MGST1: variants seen among roughly 807,000 people sequenced by gnomAD.
MGST1 encodes microsomal glutathione S-transferase 1, also known as glutathione S-transferase 12.
MGST1 carries 5 observed loss-of-function variants against 8.9 expected under a neutral mutation model. The observed-to-expected ratio is 0.56, with a 90% CI of 0.29 to 1.19. The LOEUF is 1.19. MGST1 is among the 50% of genes most tolerant of loss of function. The pLI is 0.08. For missense variants in MGST1, 182 were observed against 187.4 expected (o/e 0.97, Z 0.17); for synonymous variants, 54 against 67.8 (o/e 0.80, Z 1.00).
chr12:16,413,660 C>T lies in MGST1; in HGVS notation n.779-23728C>T, dbSNP rs1565449551. Among the ~76,000 whole-genome samples the T allele has an allele frequency of 2.0e-5, 3 of 152,064 alleles. No individual in the cohort carries two copies. The highest frequency in any genetic ancestry group is 1.3e-4 in the Admixed American group (2 of 15,262). ...TTTCTCATTTACCCTTATTTTTTTC[C>T]ATACATTCTCAAGGAAGTGTCGGTT... is the stretch of plus-strand genomic sequence containing the variant. On this transcript the variant is annotated intron_variant and non_coding_transcript_variant, in intron 1 of 1. Transcript: ENST00000359720. The surrounding 1 kb of genome is among the most constrained non-coding windows in gnomAD (Gnocchi z 4.0).
chr12:16,507,122 T>G (rs191911845), intron 4 of MGST1, among the ~76,000 whole-genome samples: 1 of 151,566 alleles, frequency 6.6e-6, no homozygotes, highest in Admixed American at 6.6e-5. Flanking sequence ...TAAAAGAGAG[T>G]CTTCAAAGAT....
At chr12:16,469,178 C>CTTTTTTTTTTTTTTTTTTTTTTTTTTTTT in intron 4 of MGST1, among the ~76,000 whole-genome samples, 1 of 77,522 alleles carries the variant, frequency 1.3e-5, no homozygotes, top group Non-Finnish European at 2.3e-5. Context: ...TGCTCTATTC[C>CTTTTTTTTTTTTTTTTTTTTTTTTTTTTT]TTTTTTTTTT....
rs1044978426 is a variant in MGST1, at chr12:16,517,285, G to A, written n.483-72243G>A. On this transcript the variant is annotated intron_variant and non_coding_transcript_variant, in intron 4 of 4. Coordinates refer to the MGST1 transcript ENST00000538857. This position sits in a 1 kb window ranked among gnomAD's most constrained non-coding sequence, Gnocchi z 4.2. ...AAAATTTAACTCCCAATGCAATAGT[G>A]TCAAGAGGTGGAAGCTTTAAAAGGT... Among the ~76,000 whole-genome samples, 3 of 152,152 alleles carry A rather than the reference G, an allele frequency of 2.0e-5. No homozygotes were observed. The highest frequency in any genetic ancestry group is 7.2e-5 in the African/African-American group (3 of 41,434).
intron 1 of MGST1, among the ~76,000 whole-genome samples, chr12:16,348,315 CA>C (rs1565430429): frequency 6.6e-6 from 1 of 152,152 alleles, no homozygotes; most frequent in African/African-American, 2.4e-5. Context: ...TAGCCAGTGA[CA>C]AGAGAGCTAA....
At chr12:16,554,071 C>T (rs930525741) in intron 4 of MGST1, among the ~76,000 whole-genome samples, 3 of 151,966 alleles carry the variant, frequency 2.0e-5, no homozygotes, top group African/African-American at 7.2e-5. Flanking sequence ...ATTATTAAAC[C>T]ATCTAATTCT....
intron 4 of MGST1, among the ~76,000 whole-genome samples, chr12:16,493,451 G>T (rs992679783): frequency 2.0e-5 from 3 of 152,146 alleles, no homozygotes; most frequent in African/African-American, 7.2e-5. Context: ...GAATAGGGAA[G>T]AAGTATAACA....
intron 1 of MGST1, among the ~76,000 whole-genome samples, chr12:16,403,043 C>G (rs1336624538): frequency 6.6e-6 from 1 of 151,434 alleles, no homozygotes; most frequent in Middle Eastern, 3.2e-3. Flanking sequence ...ATCCTTTAAA[C>G]TTTGACTTGA....
downstream of MGST1, among the ~76,000 whole-genome samples, chr12:16,377,545 G>A (rs1188900916): frequency 7.9e-5 from 12 of 151,944 alleles, no homozygotes; most frequent in Non-Finnish European, 1.2e-4. Context: ...CCAGTCTATC[G>A]TTGTTGGACA....
downstream of MGST1, among the ~76,000 whole-genome samples, chr12:16,381,601 T>A (rs2137040631): frequency 6.6e-6 from 1 of 152,338 alleles, no homozygotes; most frequent in East Asian, 1.9e-4. Context: ...CTTTGGTGAA[T>A]CTCACAATTA....
intron 1 of MGST1, among the ~76,000 whole-genome samples, chr12:16,387,986 A>T: frequency 6.6e-6 from 1 of 152,114 alleles, no homozygotes; most frequent in Non-Finnish European, 1.5e-5. Flanking sequence ...GTGGTAGGCC[A>T]TACCATCTAG....
At chr12:16,441,366 T>C (rs572936189), downstream of MGST1, among the ~76,000 whole-genome samples, 5 of 151,880 alleles carry the variant, frequency 3.3e-5, no homozygotes, top group South Asian at 8.3e-4. Context: ...ATAGTTTACA[T>C]TGGGATTCAC....
intron 4 of MGST1, among the ~76,000 whole-genome samples, chr12:16,484,887 T>C (rs1305306641): frequency 6.6e-6 from 1 of 152,214 alleles, no homozygotes; most frequent in African/African-American, 2.4e-5. Flanking sequence ...TTTTTAATTC[T>C]CTTGCGCTTA....
chr12:16,439,496 T>G (rs1657100752), downstream of MGST1, among the ~76,000 whole-genome samples: 1 of 151,794 alleles, frequency 6.6e-6, no homozygotes, highest in South Asian at 2.1e-4. Flanking sequence ...CTTCAGCTGT[T>G]CTTTCTTGAT....
intron 4 of MGST1, among the ~76,000 whole-genome samples, chr12:16,480,334 G>T (rs564159854): frequency 6.6e-6 from 1 of 151,516 alleles, no homozygotes; most frequent in African/African-American, 2.4e-5. Flanking sequence ...GTAGAGACAG[G>T]GTTTCACCAT....
chr12:16,377,987 G>A (rs1940407446), downstream of MGST1, among the ~76,000 whole-genome samples: 1 of 150,902 alleles, frequency 6.6e-6, no homozygotes, highest in South Asian at 2.1e-4. Context: ...ACTTTTTGAT[G>A]GGGTTGTTTG....
At position 16,587,764 on chromosome 12, in the gene MGST1, C is replaced by T. The variant is rs1943366352; in HGVS notation, n.483-1764C>T. 6.6e-6 allele frequency among the ~76,000 whole-genome samples: 1 copy of T among 151,974 alleles called. No homozygotes were observed. The highest frequency in any genetic ancestry group is 2.1e-4 in the South Asian group (1 of 4,824). On this transcript the variant is annotated intron_variant and non_coding_transcript_variant, in intron 4 of 4. Coordinates refer to the MGST1 transcript ENST00000538857. The surrounding 1 kb of genome is among the most constrained non-coding windows in gnomAD (Gnocchi z 4.3). ...CACTGCCTTTGGTACACAGGGTTCT[C>T]TTAGCATTTATCTGTCTAAAAATCT...
At chr12:16,381,063 A>G (rs1272985221), downstream of MGST1, among the ~76,000 whole-genome samples, 5 of 152,338 alleles carry the variant, frequency 3.3e-5, no homozygotes, top group East Asian at 9.6e-4. Context: ...ACCTGAATAC[A>G]GCACACTGAT....
At chr12:16,441,807 A>T (rs1215590783), downstream of MGST1, among the ~76,000 whole-genome samples, 1 of 151,824 alleles carries the variant, frequency 6.6e-6, no homozygotes, top group Non-Finnish European at 1.5e-5. Context: ...ACACATCCAT[A>T]TGCAAGTTTT....
chr12:16,401,993 A>G lies in MGST1; in HGVS notation n.778+18389A>G. On this transcript the variant is annotated intron_variant and non_coding_transcript_variant, in intron 1 of 1. Transcript: ENST00000359720. This position sits in a 1 kb window ranked among gnomAD's most constrained non-coding sequence, Gnocchi z 4.3. Reference sequence around the variant, plus strand: ...CATTCCAGCTCTTCATGAACTCTCCAGGGAATTTGTCTTTGCTGAACACTC... The same window carrying G: ...CATTCCAGCTCTTCATGAACTCTCCGGGGAATTTGTCTTTGCTGAACACTC... 6.2e-7 allele frequency: 1 copy of G among 1,612,034 alleles called. No homozygotes were observed. Among genetic ancestry groups the G allele is most frequent in the South Asian group, 1.1e-5 (1 of 91,036 alleles).
Sources: allele counts gnomAD v4.1 joint callset (sites outside exome capture counted in the v4.1 genomes callset), GRCh38; gene constraint gnomAD v4.1.1; non-coding constraint Gnocchi (gnomAD v3.1); transcripts MANE v1.5; gene names NCBI Gene and HGNC (gene_info 2026-07-23, HGNC 2026-07-21).